The following NDST3 variants were observed in gnomAD, a reference collection of about 807,000 sequenced individuals.
NDST3 encodes the protein N-deacetylase and N-sulfotransferase 3, also known as bifunctional heparan sulfate N-deacetylase/N-sulfotransferase 3.
Under a neutral mutation model 96.1 loss-of-function variants are expected in NDST3, and 58 were observed. That is an observed-to-expected ratio of 0.60 (90% confidence interval 0.49 to 0.75). The LOEUF is 0.75. Ranked by LOEUF, NDST3 falls within the 30% of genes least tolerant of loss-of-function variation. The pLI, the probability that NDST3 is intolerant of heterozygous loss-of-function variation, is 0.00. For synonymous variants in NDST3, 333 were observed against 359.7 expected (o/e 0.93, Z 0.84); for missense variants, 788 against 1,034.2 (o/e 0.76, Z 3.27).
intron 6 of NDST3, among the ~76,000 whole-genome samples, chr4:118,174,791 G>GTAC (rs1160664192): frequency 6.6e-6 from 1 of 152,056 alleles, no homozygotes; most frequent in Non-Finnish European, 1.5e-5. Context: ...GCTCACCCAG[G>GTAC]TACAAGTGTC....
intron 2 of NDST3, among the ~76,000 whole-genome samples, chr4:118,059,900 T>G (rs1301097480): frequency 6.6e-6 from 1 of 152,180 alleles, no homozygotes; most frequent in Non-Finnish European, 1.5e-5. Context: ...TTCCATTATA[T>G]CTGATGTTTC....
chr4:118,233,202 T>C (rs1189578801), intron 9 of NDST3, 67 bp downstream of exon 9: 12 of 1,273,226 alleles, frequency 9.4e-6, no homozygotes, highest in Admixed American at 2.6e-5. Context: ...TTAGCACTAA[T>C]ATTTAGAAAC....
intron 2 of NDST3, among the ~76,000 whole-genome samples, chr4:118,066,166 T>TATATTTTATATATTATATATATTA (rs1560617659): frequency 9.8e-5 from 2 of 20,372 alleles, no homozygotes; most frequent in African/African-American, 2.3e-4. Flanking sequence ...ATATTATATA[T>TATATTTTATATATTATATATATTA]TATATTTTAT....
intron 2 of NDST3, among the ~76,000 whole-genome samples, chr4:118,079,762 A>T (rs1330899098): frequency 6.6e-6 from 1 of 152,164 alleles, no homozygotes; most frequent in Non-Finnish European, 1.5e-5. Context: ...AAAATAATGG[A>T]AGGTGAGAGT....
chr4:118,224,745 G>C, intron 7 of NDST3, 72 bp downstream of exon 7: 1 of 1,334,824 alleles, frequency 7.5e-7, no homozygotes, highest in Non-Finnish European at 1.0e-6. Context: ...TCCCAAATTT[G>C]AAAAGTGAAG....
chr4:118,072,078 A>G (rs1257375939), intron 2 of NDST3, among the ~76,000 whole-genome samples: 1 of 152,012 alleles, frequency 6.6e-6, no homozygotes, highest in Non-Finnish European at 1.5e-5. Flanking sequence ...AACCTGTTCC[A>G]TTGGTTTATA....
intron 6 of NDST3, among the ~76,000 whole-genome samples, chr4:118,149,692 C>T (rs62326148): frequency 2.0e-4 from 26 of 133,180 alleles, no homozygotes; most frequent in Admixed American, 5.4e-4. Context: ...ACAATCATGT[C>T]GTCTGCAAAC....
In NDST3 at chr4:118,086,473, C is replaced by T. The variant is rs1223905091; in HGVS notation, c.982-18545C>T. ...AGTCATTCAGACACCACCCACCCGC[C>T]CTCTGACACCTTCTTCCTGATTGAA... On this transcript the variant is annotated intron_variant, in intron 2 of 13. Transcript: ENST00000296499. Among the ~76,000 whole-genome samples, 3 of 152,204 alleles carry T rather than the reference C, an allele frequency of 2.0e-5. 1 individual carries two copies. The East Asian group carries it at 5.8e-4, about 29-fold the overall frequency.
chr4:118,058,995 T>C (rs1324476877), intron 2 of NDST3, among the ~76,000 whole-genome samples: 1 of 152,100 alleles, frequency 6.6e-6, no homozygotes, highest in East Asian at 1.9e-4. Flanking sequence ...GAAGGTGGTC[T>C]TTCAGGGTTT....
Position 118,237,046 on chromosome 4 carries a change from G to A in NDST3, c.1944G>A (p.Trp648Ter). The change falls in exon 10 of 14, where the codon TGG becomes TGA. Residue 648 changes from tryptophan (W) to a stop codon, truncating the protein, a stop_gained and splice_region_variant. Coordinates refer to ENST00000296499, the MANE Select transcript of NDST3 (RefSeq NM_004784.3). LOFTEE classifies it high-confidence loss of function. ...NRNNYHRGID[W>*]YMDFFPVPSN... ...TTTGAGAAAAATATTCCTTTTCTAG[G>A]TATATGGATTTCTTCCCAGTCCCAT... is the stretch of plus-strand genomic sequence containing the variant. 2 of 1,590,102 alleles carry A rather than the reference G, an allele frequency of 1.3e-6. No individual in the cohort carries two copies. The highest frequency in any genetic ancestry group is 8.6e-7 in the Non-Finnish European group (1 of 1,167,028).
At chr4:118,035,438 T>G (rs13119849) in intron 1 of NDST3, among the ~76,000 whole-genome samples, 1 of 76,694 alleles carries the variant, frequency 1.3e-5, no homozygotes, top group African/African-American at 3.2e-5. Flanking sequence ...ACTTTTTTTT[T>G]GTTTTTTTTT....
In NDST3 at chr4:118,066,411, CAT is replaced by C. The variant is rs1199953318; in HGVS notation, c.981+11523_981+11524del. Reference sequence around the variant, plus strand: ...ATGTTATATATTATATATCATATATCATATGTTATATATTATATATCATATAT... The same window carrying C: ...ATGTTATATATTATATATCATATATCATGTTATATATTATATATCATATAT... On this transcript the variant is annotated intron_variant, in intron 2 of 13. Transcript: ENST00000296499. Among the ~76,000 whole-genome samples, 6 of 1,026 alleles carry C rather than the reference CAT, an allele frequency of 5.8e-3. 2 individuals are homozygous for C. Among genetic ancestry groups the C allele is most frequent in the Non-Finnish European group, 0.056 (2 of 36 alleles). The allele number at this position is 1,026 out of a possible 152,430, so 0.7% of individuals were successfully genotyped here. A position where few individuals can be genotyped will look rare whatever the true frequency, so the allele number is the denominator to read the frequency against.
intron 1 of NDST3, among the ~76,000 whole-genome samples, chr4:118,039,388 T>C (rs1301302234): frequency 1.3e-5 from 2 of 152,224 alleles, no homozygotes; most frequent in African/African-American, 4.8e-5. Context: ...CAGCTGCTAT[T>C]TGTAAAATTT....
chr4:118,214,752 G>A (rs1260231612), intron 6 of NDST3, among the ~76,000 whole-genome samples: 3 of 152,076 alleles, frequency 2.0e-5, no homozygotes, highest in Non-Finnish European at 4.4e-5. Flanking sequence ...AGAGTGCATT[G>A]ACAAAACAAG....
intron 8 of NDST3, among the ~76,000 whole-genome samples, chr4:118,231,086 A>G (rs964681642): frequency 1.8e-4 from 28 of 152,218 alleles, no homozygotes; most frequent in Non-Finnish European, 4.0e-4. Flanking sequence ...CTGTGATCCC[A>G]GCACTTTGGG....
chr4:118,251,125 A>ATTTTTTTTTTTTTT (rs370800744), intron 12 of NDST3, among the ~76,000 whole-genome samples: 2 of 111,740 alleles, frequency 1.8e-5, no homozygotes, highest in Non-Finnish European at 3.7e-5. Context: ...TATTATTTTT[A>ATTTTTTTTTTTTTT]TTTTATTTTT....
At chr4:118,233,191 CTT>C (rs1486506018) in intron 9 of NDST3, 56 bp downstream of exon 9, 2 of 1,335,642 alleles carry the variant, frequency 1.5e-6, no homozygotes, top group African/African-American at 3.0e-5. Flanking sequence ...ACAGTATAAA[CTT>C]AGCACTAATA....
At chr4:118,158,974 C>T (rs1734901878) in intron 6 of NDST3, among the ~76,000 whole-genome samples, 1 of 152,070 alleles carries the variant, frequency 6.6e-6, no homozygotes, top group African/African-American at 2.4e-5. Context: ...TGCATAGAGG[C>T]CAGTAAAAAA....
intron 6 of NDST3, among the ~76,000 whole-genome samples, chr4:118,222,077 C>T (rs1427702909): frequency 1.3e-5 from 2 of 150,994 alleles, no homozygotes; most frequent in South Asian, 4.2e-4. Context: ...AGACTAATAT[C>T]TGCTTCTCCT....
Sources: allele counts gnomAD v4.1 joint callset (sites outside exome capture counted in the v4.1 genomes callset), GRCh38; gene constraint gnomAD v4.1.1; transcripts MANE v1.5; gene names NCBI Gene and HGNC (gene_info 2026-07-23, HGNC 2026-07-21).